UPB1: variants seen among roughly 807,000 people sequenced by gnomAD.
The protein encoded by UPB1 is beta-ureidopropionase 1.
In UPB1, 40 loss-of-function variants were observed where a neutral mutation model predicts 49.1. The observed-to-expected ratio is 0.81, with a 90% CI of 0.63 to 1.06. The LOEUF is 1.06. Ranked by LOEUF, UPB1 falls within the 50% of genes least tolerant of loss-of-function variation. UPB1 has a pLI of 0.00. For synonymous variants in UPB1, 207 were observed against 198.2 expected (o/e 1.04, Z -0.38); for missense variants, 499 against 505.9 (o/e 0.99, Z 0.13).
chr22:24,513,215 T>C, intron 4 of UPB1, 109 bp from the exon 5 acceptor site: 1 of 1,501,178 alleles, frequency 6.7e-7, no homozygotes, highest in South Asian at 1.2e-5. Context: ...CAAATGCAAG[T>C]GGTTGCTCTG....
chr22:24,504,700 C>T (rs1248681268), intron 3 of UPB1, among the ~76,000 whole-genome samples: 1 of 145,864 alleles, frequency 6.9e-6, no homozygotes, highest in Non-Finnish European at 1.5e-5. Context: ...GACTAGTTCC[C>T]TAATTTTGTT....
intron 3 of UPB1, among the ~76,000 whole-genome samples, chr22:24,505,239 A>G (rs2044069878): frequency 6.6e-6 from 1 of 152,174 alleles, no homozygotes; most frequent in Admixed American, 6.5e-5. Context: ...ACTAATATTA[A>G]GTAAATTTTG....
chr22:24,495,456 C>G lies in UPB1; in HGVS notation c.53C>G (p.Pro18Arg), dbSNP rs201084127. 5.0e-6 allele frequency: 8 copies of G among 1,614,038 alleles called. No individual in the cohort carries two copies. The highest frequency in any genetic ancestry group is 6.8e-6 in the Non-Finnish European group (8 of 1,180,026). The change falls in exon 1 of 10, where the codon CCG (proline) becomes CGG (arginine). Residue 18 changes from proline (P) to arginine (R), a missense_variant. Physicochemically the swap from Pro to Arg is moderately radical, Grantham distance 103. Coordinates refer to ENST00000326010, the MANE Select transcript of UPB1 (RefSeq NM_016327.3). ...SLEECLEKHL[P>R]LPDLQEVKRV... ...GAGGAATGCTTGGAGAAGCACCTGCCGCTCCCCGACTTGCAGGAAGTGAAG... is the reference window on the plus strand; with the variant it reads ...GAGGAATGCTTGGAGAAGCACCTGCGGCTCCCCGACTTGCAGGAAGTGAAG...
chr22:24,520,199 G>T, intron 6 of UPB1, 188 bp from the exon 7 acceptor site: 1 of 673,322 alleles, frequency 1.5e-6, no homozygotes. Context: ...CTGGTTGCAG[G>T]TTTGGGGTGT....
chr22:24,502,662 G>C, intron 3 of UPB1: 1 of 628,252 alleles, frequency 1.6e-6, no homozygotes, highest in Non-Finnish European at 2.8e-6. Context: ...AGTCAGATGG[G>C]TGTACAAGGT....
chr22:24,506,164 G>A (rs1455510396), intron 3 of UPB1, among the ~76,000 whole-genome samples: 2 of 151,480 alleles, frequency 1.3e-5, no homozygotes, highest in African/African-American at 2.4e-5. Flanking sequence ...GGAATTACAG[G>A]CCTGTACCAC....
chr22:24,521,485 T>TA (rs1055194332), intron 7 of UPB1, among the ~76,000 whole-genome samples: 38 of 152,074 alleles, frequency 2.5e-4, no homozygotes, highest in Non-Finnish European at 4.7e-4. Context: ...CCAAAATAAA[T>TA]AAATAATTAA....
Position 24,502,230 on chromosome 22 carries a change from G to A in UPB1, c.364+17G>A. On this transcript the variant is annotated intron_variant, in intron 3 of 9. Coordinates refer to ENST00000326010, the MANE Select transcript of UPB1 (RefSeq NM_016327.3). ...AAGCATGGAGTGAGTCTTTTTTATG[G>A]TGCTTTCTCTGCTGCCTTCAAACAA... is the stretch of plus-strand genomic sequence containing the variant. 1 of 1,611,326 alleles carries A rather than the reference G, an allele frequency of 6.2e-7. No homozygotes were observed. Among genetic ancestry groups the A allele is most frequent in the South Asian group, 1.1e-5 (1 of 91,020 alleles).
At chr22:24,518,051 G>C (rs1383880901) in intron 6 of UPB1, 2 of 152,350 alleles carry the variant, frequency 1.3e-5, no homozygotes, top group African/African-American at 4.8e-5. Flanking sequence ...TGTAGTCCCA[G>C]CTACTTGGGA....
At chr22:24,519,202 CA>C (rs1181118030) in intron 6 of UPB1, among the ~76,000 whole-genome samples, 1 of 152,114 alleles carries the variant, frequency 6.6e-6, no homozygotes, top group Non-Finnish European at 1.5e-5. Context: ...TCCCCTCAAT[CA>C]AGCCTGTGAT....
chr22:24,512,374 A>G (rs1262713981), intron 4 of UPB1, among the ~76,000 whole-genome samples: 1 of 152,192 alleles, frequency 6.6e-6, no homozygotes, highest in Admixed American at 6.5e-5. Context: ...TTAAGGCCAG[A>G]GATCATGACA....
intron 3 of UPB1, among the ~76,000 whole-genome samples, chr22:24,510,103 A>T (rs1176311424): frequency 6.6e-6 from 1 of 152,012 alleles, no homozygotes; most frequent in Non-Finnish European, 1.5e-5. Flanking sequence ...ATGGTGGCGC[A>T]TACCTGTAAT....
At chr22:24,522,560 G>GC (rs924211350) in intron 8 of UPB1, among the ~76,000 whole-genome samples, 1 of 151,984 alleles carries the variant, frequency 6.6e-6, no homozygotes, top group African/African-American at 2.4e-5. Flanking sequence ...GGTAGGGACT[G>GC]CCCCCCTCAC....
At chr22:24,520,000 C>T in intron 6 of UPB1, 1 of 301,756 alleles carries the variant, frequency 3.3e-6, no homozygotes, top group Non-Finnish European at 6.5e-6. Flanking sequence ...GGATCTTCAC[C>T]TGCATGGTCA....
At chr22:24,524,849 C>T (rs961679080) in intron 9 of UPB1, among the ~76,000 whole-genome samples, 1 of 152,092 alleles carries the variant, frequency 6.6e-6, no homozygotes, top group African/African-American at 2.4e-5. Flanking sequence ...ACTGACTTTG[C>T]CCGGTGTGAC....
intron 2 of UPB1, among the ~76,000 whole-genome samples, chr22:24,501,102 C>G (rs915890772): frequency 6.6e-6 from 1 of 152,200 alleles, no homozygotes; most frequent in African/African-American, 2.4e-5. Context: ...CCTCTATCAT[C>G]CCAGACTGTC....
At chr22:24,511,780 AT>A (rs140328) in intron 4 of UPB1, among the ~76,000 whole-genome samples, 150,150 of 150,490 alleles carry the variant, frequency 1, 74,916 homozygotes, top group Non-Finnish European at 1. Context: ...TGCCTGGCTA[AT>A]TTTTTTTTGT....
chr22:24,502,361 C>A (rs754556264), intron 3 of UPB1, 148 bp downstream of exon 3: 19 of 878,170 alleles, frequency 2.2e-5, no homozygotes, highest in Middle Eastern at 4.3e-4. Context: ...CACCAGGAAC[C>A]CCGGCCTCCC....
At chr22:24,507,987 C>G (rs760793684) in intron 3 of UPB1, among the ~76,000 whole-genome samples, 1 of 152,110 alleles carries the variant, frequency 6.6e-6, no homozygotes, top group Admixed American at 6.5e-5. Flanking sequence ...CGCTGCACAC[C>G]GGATTTCTCT....
Sources: gnomAD v4.1 joint callset for allele counts (sites outside exome capture counted in the v4.1 genomes callset) on GRCh38, gnomAD v4.1.1 for gene constraint, MANE v1.5 for transcripts, NCBI Gene and HGNC (gene_info 2026-07-23, HGNC 2026-07-21) for gene names.